Variants in ADCY1 observed in about 807,000 individuals in gnomAD.
ADCY1 encodes the protein adenylate cyclase type 1.
ADCY1 carries 28 observed loss-of-function variants against 105.4 expected under a neutral mutation model. The observed-to-expected ratio is 0.27, with a 90% CI of 0.20 to 0.36. ADCY1 has a LOEUF of 0.36. Among genes scored for constraint, ADCY1 ranks in the 10% least tolerant of loss-of-function variants. The pLI is 1.00. For missense variants in ADCY1, 977 were observed against 1,434.2 expected, an observed-to-expected ratio of 0.68 and a Z score of 5.15; for synonymous variants, 655 against 623.8, an observed-to-expected ratio of 1.05 and a Z score of -0.75.
intron 14 of ADCY1, among the ~76,000 whole-genome samples, chr7:45,690,266 C>T (rs1023052386): frequency 1.3e-5 from 2 of 152,108 alleles, no homozygotes; most frequent in African/African-American, 4.8e-5. Flanking sequence ...GAGCGGAGGG[C>T]ACACTCTAAG....
At chr7:45,580,395 G>C (rs1319798569) in intron 1 of ADCY1, among the ~76,000 whole-genome samples, 2 of 152,206 alleles carry the variant, frequency 1.3e-5, no homozygotes, top group Admixed American at 6.5e-5. Context: ...CAGCTGCCGG[G>C]GCCTCCCTGC....
intron 3 of ADCY1, among the ~76,000 whole-genome samples, chr7:45,610,796 G>C (rs1584268289): frequency 1.9e-5 from 2 of 103,560 alleles, no homozygotes; most frequent in Admixed American, 1.0e-4. Flanking sequence ...GATGGTGGAG[G>C]TGGGGAGGTG....
At chr7:45,713,652 C>G (rs772394601) in intron 19 of ADCY1, 41 bp from the exon 20 acceptor site, 1 of 755,576 alleles carries the variant, frequency 1.3e-6, no homozygotes, top group Admixed American at 1.7e-5. Context: ...AGGAGTCCCC[C>G]TCATTGCCCT....
At chr7:45,576,640 C>T (rs1792356442) in intron 1 of ADCY1, among the ~76,000 whole-genome samples, 1 of 152,128 alleles carries the variant, frequency 6.6e-6, no homozygotes, top group Non-Finnish European at 1.5e-5. Context: ...CTGTGGGCAG[C>T]ACGTGGGCCT....
chr7:45,696,977 C>T (rs1463978399), intron 14 of ADCY1, among the ~76,000 whole-genome samples: 2 of 152,158 alleles, frequency 1.3e-5, no homozygotes, highest in Middle Eastern at 3.2e-3. Context: ...AAGAGGACTT[C>T]CTGGAGGAGG....
At chr7:45,609,656 C>T (rs1039419932) in intron 2 of ADCY1, among the ~76,000 whole-genome samples, 3 of 152,244 alleles carry the variant, frequency 2.0e-5, no homozygotes, top group African/African-American at 7.2e-5. Context: ...AACATGGTCT[C>T]TCAGACGTAG....
chr7:45,652,619 C>G (rs908189007), intron 5 of ADCY1, among the ~76,000 whole-genome samples: 1 of 152,200 alleles, frequency 6.6e-6, no homozygotes, highest in Admixed American at 6.5e-5. Context: ...CTAGGCCTCC[C>G]ACGCCTAGCA....
rs534809157 is a variant in ADCY1, at chr7:45,664,469, G to T, written c.1605+2255G>T. ...CCCCCAGGGCATTCACGCCAGCTCT[G>T]TTCTTCTCTCAGCACTCTCTCCTGA... On this transcript the variant is annotated intron_variant, in intron 8 of 19. Coordinates refer to ENST00000297323, the MANE Select transcript of ADCY1 (RefSeq NM_021116.4). 8.9e-5 allele frequency: 135 copies of T among 1,512,574 alleles called. 1 individual carries two copies. In the South Asian group the frequency reaches 1.5e-3, roughly 17 times the overall value. The allele number at this position is 1,512,574 out of a possible 1,614,324, so 93.7% of individuals were successfully genotyped here. A position where few individuals can be genotyped will look rare whatever the true frequency, so the allele number is the denominator to read the frequency against.
At chr7:45,656,250 G>A (rs1047857353) in intron 5 of ADCY1, among the ~76,000 whole-genome samples, 1 of 151,932 alleles carries the variant, frequency 6.6e-6, no homozygotes, top group Admixed American at 6.6e-5. Context: ...TTGCAGTGAG[G>A]GGAGATAGCG....
In ADCY1 at chr7:45,719,050, G is replaced by A. The variant is rs55972892; in HGVS notation, c.*5055G>A. ...GTGAACTGACAGCAGGGAGCTGAAG[G>A]ACAGGCCCCGGCCTTGGGAGAGGAC... is the stretch of plus-strand genomic sequence containing the variant. On this transcript the variant is annotated 3_prime_UTR_variant, in exon 20 of 20. Transcript: ENST00000297323. 0.073 allele frequency: 11,091 copies of A among 152,936 alleles called. 454 individuals are homozygous for A. The highest frequency in any genetic ancestry group is 0.099 in the Middle Eastern group (29 of 294). 9.5% of individuals were successfully genotyped at this position (152,936 alleles called of 1,614,324 possible). A position where few individuals can be genotyped will look rare whatever the true frequency, so the allele number is the denominator to read the frequency against.
At chr7:45,644,582 T>A (rs1186589250) in intron 4 of ADCY1, among the ~76,000 whole-genome samples, 1 of 152,238 alleles carries the variant, frequency 6.6e-6, no homozygotes, top group Non-Finnish European at 1.5e-5. Flanking sequence ...CCTGTAGTCC[T>A]GTCCCTTTCA....
chr7:45,662,280 A>G (rs1243911270), intron 8 of ADCY1, 66 bp downstream of exon 8: 5 of 1,526,678 alleles, frequency 3.3e-6, no homozygotes, highest in Non-Finnish European at 4.4e-6. Flanking sequence ...CTGCCCTCCC[A>G]ATATGGCCCC....
chr7:45,684,466 G>T (rs1784627080), intron 11 of ADCY1: 1 of 152,320 alleles, frequency 6.6e-6, no homozygotes, highest in South Asian at 2.1e-4. Flanking sequence ...GAAGTGTTAA[G>T]TGTAAAAAGG....
At position 45,621,633 on chromosome 7, in the gene ADCY1, C is replaced by T. The variant is rs187205734; in HGVS notation, c.909-999C>T. ...GGAGCTGGATAGTTCCCTTGGAGTCCAATTCTGAACCCTACTTCCCTCCTG... is the reference window on the plus strand; with the variant it reads ...GGAGCTGGATAGTTCCCTTGGAGTCTAATTCTGAACCCTACTTCCCTCCTG... On this transcript the variant is annotated intron_variant, in intron 3 of 19. Transcript: ENST00000297323. Among the ~76,000 whole-genome samples, 333 of 152,234 alleles carry T rather than the reference C, an allele frequency of 2.2e-3. 1 individual carries two copies. The highest frequency in any genetic ancestry group is 4.2e-3 in the Admixed American group (64 of 15,298).
At chr7:45,706,984 G>A (rs754331083) in intron 17 of ADCY1, among the ~76,000 whole-genome samples, 7 of 152,170 alleles carry the variant, frequency 4.6e-5, no homozygotes, top group Non-Finnish European at 1.0e-4. Flanking sequence ...TTAGGGCTTT[G>A]CAAATGAAAA....
intron 1 of ADCY1, among the ~76,000 whole-genome samples, chr7:45,592,289 C>T (rs1036616129): frequency 6.6e-6 from 1 of 152,104 alleles, no homozygotes; most frequent in African/African-American, 2.4e-5. Flanking sequence ...CCTGAGACCT[C>T]GTTCCTGGGC....
intron 2 of ADCY1, among the ~76,000 whole-genome samples, chr7:45,600,401 T>C (rs893857325): frequency 2.0e-5 from 3 of 152,138 alleles, no homozygotes; most frequent in African/African-American, 7.2e-5. Flanking sequence ...GAGCCACAAG[T>C]CAGGGAGAGC....
intron 2 of ADCY1, among the ~76,000 whole-genome samples, chr7:45,602,782 G>A (rs1243083454): frequency 6.6e-6 from 1 of 152,016 alleles, no homozygotes; most frequent in African/African-American, 2.4e-5. Flanking sequence ...TTTTCCTATA[G>A]AGTTATTATT....
At chr7:45,699,760 C>T (rs895355360) in intron 14 of ADCY1, among the ~76,000 whole-genome samples, 1 of 152,118 alleles carries the variant, frequency 6.6e-6, no homozygotes, top group Admixed American at 6.5e-5. Flanking sequence ...CTAGGTTGCG[C>T]AGCAGTCGCA....
Sources: gnomAD v4.1 joint callset for allele counts (sites outside exome capture counted in the v4.1 genomes callset) on GRCh38, gnomAD v4.1.1 for gene constraint, MANE v1.5 for transcripts, NCBI Gene and HGNC (gene_info 2026-07-23, HGNC 2026-07-21) for gene names.